DNAH8: variants seen among roughly 807,000 people sequenced by gnomAD.
The protein encoded by DNAH8 is axonemal beta dynein heavy chain 8.
In DNAH8, 382 loss-of-function variants were observed where a neutral mutation model predicts 562.1. The ratio of observed to expected loss-of-function variants is 0.68; its 90% CI spans 0.63 to 0.74. DNAH8 has a LOEUF of 0.74. DNAH8 is among the 30% of genes least tolerant of loss of function. The probability of loss-of-function intolerance (pLI) is 0.00; values close to 1 mark genes in which losing one functional copy is unlikely to be tolerated. For synonymous variants in DNAH8, 1,881 were observed against 1,919.4 expected, an observed-to-expected ratio of 0.98 and a Z score of 0.52; for missense variants, 5,203 against 5,620.4, an observed-to-expected ratio of 0.93 and a Z score of 2.37.
At chr6:38,883,754 A>C in intron 55 of DNAH8, 122 bp from the exon 56 acceptor site, 3 of 774,586 alleles carry the variant, frequency 3.9e-6, no homozygotes. Flanking sequence ...TATTTTAATA[A>C]TTATATGTAT....
At position 38,938,090 on chromosome 6, in the gene DNAH8, G is replaced by C. The variant is rs1783114061; in HGVS notation, c.11680G>C (p.Ala3894Pro). ...AAETEIKINA[A>P]QEEFRPAATR... ...AGAAACTGAGATCAAGATCAACGCG[G>C]CTCAGGAGGAGTTCCGGCCCGCAGC... The change falls in exon 78 of 93, where the codon GCT (alanine) becomes CCT (proline). Residue 3894 changes from alanine to proline, a missense_variant. By Grantham distance (27) the Ala-to-Pro change is conservative. This residue lies in a region of DNAH8 where 1,399 missense variants were observed against 1,518.4 expected (regional missense o/e 0.92). Transcript: ENST00000327475. 1.2e-6 allele frequency: 2 copies of C among 1,613,982 alleles called. No homozygotes were observed. The highest frequency in any genetic ancestry group is 2.7e-5 in the African/African-American group (2 of 74,992).
At chr6:39,023,401 G>A (rs1050528435) in intron 91 of DNAH8, among the ~76,000 whole-genome samples, 1 of 152,200 alleles carries the variant, frequency 6.6e-6, no homozygotes, top group Non-Finnish European at 1.5e-5. Flanking sequence ...GCTGAGGCAG[G>A]AGAGTGGTGT....
rs1001437856 is a variant in DNAH8 at position 38,804,971 on chromosome 6, G to A, written c.3035-510G>A. ...TGGCTTCTGGTGGATAAGGGCCAGGGATGCTGTTAAACATCCTACAGGACA... is the reference window on the plus strand; with the variant it reads ...TGGCTTCTGGTGGATAAGGGCCAGGAATGCTGTTAAACATCCTACAGGACA... On this transcript the variant is annotated intron_variant, in intron 22 of 92. Coordinates refer to ENST00000327475, the MANE Select transcript of DNAH8 (RefSeq NM_001206927.2). Among the ~76,000 whole-genome samples the A allele has an allele frequency of 3.9e-5, 6 of 152,108 alleles. No individual in the cohort carries two copies. The South Asian group carries it at 6.2e-4, about 16-fold the overall frequency.
intron 77 of DNAH8, among the ~76,000 whole-genome samples, chr6:38,937,634 GT>G (rs1783080650): frequency 6.6e-6 from 1 of 152,156 alleles, no homozygotes; most frequent in South Asian, 2.1e-4. Flanking sequence ...GACAGTGGGT[GT>G]GAAGCCTATC....
chr6:38,888,090 C>T (rs1214140884), intron 57 of DNAH8, among the ~76,000 whole-genome samples: 1 of 150,986 alleles, frequency 6.6e-6, no homozygotes, highest in Non-Finnish European at 1.5e-5. Flanking sequence ...CTGCCTGCCT[C>T]GGGCTCCCAA....
intron 82 of DNAH8, among the ~76,000 whole-genome samples, chr6:38,959,297 G>T (rs1476367577): frequency 6.6e-6 from 1 of 152,078 alleles, no homozygotes; most frequent in Admixed American, 6.5e-5. Flanking sequence ...GCAAGAGAAA[G>T]AAATAAAAAG....
In DNAH8 at chr6:38,826,384, C is replaced by A. The variant is rs771802642; in HGVS notation, c.4076C>A (p.Pro1359Gln). ...ATTCAAATGGACATGACTTTGGGACCAATTGAAGTAAGAAATGATTGCATT... is the reference window on the plus strand; with the variant it reads ...ATTCAAATGGACATGACTTTGGGACAAATTGAAGTAAGAAATGATTGCATT... ...NEIQMDMTLG[P>Q]IEEAYAILNR... Residue 1359 changes from proline (P) to glutamine (Q), a missense_variant, in exon 29 of 93, where the codon CCA (proline) becomes CAA (glutamine). By Grantham distance (76) the Pro-to-Gln change is moderately conservative (BLOSUM62 -1). Around this residue, in one of 6 missense-constraint regions of DNAH8, gnomAD observed 2,176 missense variants for 2,365.1 expected, o/e 0.92. Coordinates refer to ENST00000327475, the MANE Select transcript of DNAH8 (RefSeq NM_001206927.2). The A allele has an allele frequency of 9.5e-6, 15 of 1,578,226 alleles. No homozygotes were observed. Among genetic ancestry groups the A allele is most frequent in the Non-Finnish European group, 1.3e-5 (15 of 1,163,888 alleles).
At chr6:38,857,952 A>G (rs1451041744) in intron 42 of DNAH8, among the ~76,000 whole-genome samples, 1 of 152,212 alleles carries the variant, frequency 6.6e-6, no homozygotes, top group Non-Finnish European at 1.5e-5. Flanking sequence ...GTTTGGAACC[A>G]ACTGATGTGA....
intron 21 of DNAH8, among the ~76,000 whole-genome samples, chr6:38,795,367 C>T (rs1469500899): frequency 6.6e-6 from 1 of 152,144 alleles, no homozygotes; most frequent in African/African-American, 2.4e-5. Flanking sequence ...ATCACGAGGT[C>T]AGGAGATCGA....
Position 38,951,516 on chromosome 6 carries a change from A to G in DNAH8, c.12447A>G (p.Lys4149=). The part of the protein sequence containing the change: ...NQIDALAKKL[K]LECRTISMGQ... The stretch of plus-strand genomic sequence containing the variant: ...TTGATGCATTGGCCAAGAAACTGAA[A>G]CTGGGTAAGACTAGCAATCTACAAA... Residue 4149 remains lysine, a synonymous_variant, in exon 82 of 93, where the codon AAA becomes AAG. Transcript: ENST00000327475. The G allele has an allele frequency of 6.2e-7, 1 of 1,612,438 alleles. No individual in the cohort carries two copies. The highest frequency in any genetic ancestry group is 8.5e-7 in the Non-Finnish European group (1 of 1,179,088).
In DNAH8 at chr6:38,971,607, C is replaced by G. The variant is rs1395143980; in HGVS notation, c.12467C>G (p.Ser4156Ter). Residue 4156 changes from serine to a stop codon, truncating the protein, a stop_gained, in exon 83 of 93, where the codon TCA becomes TGA. Transcript: ENST00000327475. LOFTEE classifies it high-confidence loss of function. ...TATGTTACAGAATGTAGAACTATCT[C>G]AATGGGGCAAGGACAAGAAGTACAT... is the stretch of plus-strand genomic sequence containing the variant. The part of the protein sequence containing the change: ...KKLKLECRTI[S>*]MGQGQEVHAR... 9 of 1,592,464 alleles carry G rather than the reference C, an allele frequency of 5.7e-6. No homozygotes were observed. Among genetic ancestry groups the G allele is most frequent in the Non-Finnish European group, 6.8e-6 (8 of 1,170,384 alleles).
At chr6:39,004,458 C>T (rs553592638) in intron 88 of DNAH8, among the ~76,000 whole-genome samples, 1 of 152,306 alleles carries the variant, frequency 6.6e-6, no homozygotes, top group African/African-American at 2.4e-5. Flanking sequence ...AAAGTATACT[C>T]CACCATGAGG....
At chr6:38,740,610 G>GTT (rs948334797) in intron 7 of DNAH8, among the ~76,000 whole-genome samples, 1 of 150,290 alleles carries the variant, frequency 6.7e-6, no homozygotes, top group South Asian at 2.1e-4. Flanking sequence ...TAGTCTTTTT[G>GTT]TTTTTTTTTC....
chr6:38,865,531 A>C (rs1440647145), intron 45 of DNAH8, among the ~76,000 whole-genome samples: 2 of 152,182 alleles, frequency 1.3e-5, no homozygotes, highest in Non-Finnish European at 2.9e-5. Flanking sequence ...TTATGGTTCT[A>C]CTCCATCATG....
intron 82 of DNAH8, among the ~76,000 whole-genome samples, chr6:38,961,100 A>G (rs1439093095): frequency 2.6e-5 from 4 of 152,036 alleles, no homozygotes; most frequent in African/African-American, 9.6e-5. Context: ...GACAAATACC[A>G]CATGATCTCA....
In DNAH8 at chr6:38,908,057, T is replaced by C. The variant is rs1780617566; in HGVS notation, c.9450T>C (p.Asn3150=). The C allele has an allele frequency of 1.2e-6, 2 of 1,611,652 alleles. No homozygotes were observed. The highest frequency in any genetic ancestry group is 2.7e-5 in the African/African-American group (2 of 74,956). The part of the protein sequence containing the change: ...ELPRHPPTFD[N]LYEYFISRSR... ...CTCGCCATCCTCCTACCTTTGATAA[T>C]TTGTATGAATACTTCATTTCAAGAT... The change falls in exon 64 of 93, where the codon AAT becomes AAC. Residue 3150 remains asparagine, a synonymous_variant. Coordinates refer to ENST00000327475, the MANE Select transcript of DNAH8 (RefSeq NM_001206927.2).
Position 38,842,908 on chromosome 6 carries a change from A to G in DNAH8, c.4845+5A>G, listed in dbSNP as rs776258788. The G allele has an allele frequency of 8.1e-6, 13 of 1,613,008 alleles. No homozygotes were observed. The highest frequency in any genetic ancestry group is 1.7e-5 in the Admixed American group (1 of 59,970). On this transcript the variant is annotated splice_donor_5th_base_variant and intron_variant, in intron 35 of 92. Coordinates refer to ENST00000327475, the MANE Select transcript of DNAH8 (RefSeq NM_001206927.2). ...AAACATAAGGATGATATTGAGGTAC[A>G]TAAGTGTATACGTTCTTATCAATGA...
chr6:38,932,077 A>G (rs1056787534), intron 76 of DNAH8, 84 bp downstream of exon 76: 6 of 1,098,194 alleles, frequency 5.5e-6, no homozygotes, highest in Non-Finnish European at 7.5e-6. Context: ...TGTGAAAAAG[A>G]AAAAAAAATT....
In DNAH8 at chr6:38,990,140, A is replaced by T. The variant is rs934747831; in HGVS notation, c.13182A>T (p.Glu4394Asp). The T allele has an allele frequency of 6.2e-7, 1 of 1,612,578 alleles. No homozygotes were observed. Among genetic ancestry groups the T allele is most frequent in the Admixed American group, 1.7e-5 (1 of 59,904 alleles). The change falls in exon 88 of 93, where the codon GAA becomes GAT. Residue 4394 changes from glutamate (E) to aspartate (D), a missense_variant. Glu to Asp is a conservative substitution (Grantham distance 45). This residue lies in a region of DNAH8 where 1,399 missense variants were observed against 1,518.4 expected (regional missense o/e 0.92). Transcript: ENST00000327475. ...CACTGCCATCCCTAGATAACCCTGA[A>T]GTCTTTGGGCTTCACCCTAATGCTG... ...IQSLPSLDNP[E>D]VFGLHPNADI...
Sources: allele counts gnomAD v4.1 joint callset (sites outside exome capture counted in the v4.1 genomes callset), GRCh38; gene constraint gnomAD v4.1.1; regional missense constraint gnomAD v4.1.1; transcripts MANE v1.5; gene names NCBI Gene and HGNC (gene_info 2026-07-23, HGNC 2026-07-21).